FBXO9: variants seen among roughly 807,000 people sequenced by gnomAD.
FBXO9 encodes the protein F-box only protein 9.
Under a neutral mutation model 63.7 loss-of-function variants are expected in FBXO9, and 43 were observed. The ratio of observed to expected loss-of-function variants is 0.67; its 90% CI spans 0.53 to 0.87. FBXO9 has a LOEUF of 0.87. FBXO9 is among the 40% of genes least tolerant of loss of function. FBXO9 has a pLI of 0.00. For missense variants in FBXO9, 442 were observed against 533.2 expected, an observed-to-expected ratio of 0.83 and a Z score of 1.68; for synonymous variants, 156 against 171.7, an observed-to-expected ratio of 0.91 and a Z score of 0.72.
chr6:53,068,401 G>T (rs1023520727), intron 1 of FBXO9, among the ~76,000 whole-genome samples: 1 of 152,054 alleles, frequency 6.6e-6, no homozygotes, highest in African/African-American at 2.4e-5. Flanking sequence ...CCTTTATTAG[G>T]CTCCAAGTCA....
chr6:53,070,823 A>C (rs1225184947), intron 1 of FBXO9: 7 of 474,942 alleles, frequency 1.5e-5, no homozygotes, highest in Non-Finnish European at 2.5e-5. Context: ...GTTAGGATTC[A>C]CAATAACGTG....
Position 53,095,652 on chromosome 6 carries a change from A to C in FBXO9, c.1193A>C (p.His398Pro). The C allele has an allele frequency of 6.2e-7, 1 of 1,609,392 alleles. No individual in the cohort carries two copies. Among genetic ancestry groups the C allele is most frequent in the East Asian group, 2.2e-5 (1 of 44,770 alleles). ...CTCATCTGGATACATCATTCTTGTC[A>C]CATTACTTACAAGTAGGTGAATGCA... ...NKLIWIHHSCHITYKSTGETA... is the reference protein window; with the variant it reads ...NKLIWIHHSCPITYKSTGETA... The change falls in exon 12 of 13, where the codon CAC becomes CCC. Residue 398 changes from histidine (H) to proline (P), a missense_variant. This residue lies in a region of FBXO9 where 262 missense variants were observed against 362.1 expected (regional missense o/e 0.72). Coordinates refer to ENST00000323557, the MANE Select transcript of FBXO9 (RefSeq NM_033480.3).
intron 3 of FBXO9, among the ~76,000 whole-genome samples, chr6:53,075,734 A>ATTTTTTTTTTTTTTTTTTTTT (rs761159029): frequency 1.2e-5 from 1 of 82,174 alleles, no homozygotes; most frequent in Non-Finnish European, 2.1e-5. Context: ...TATATATATA[A>ATTTTTTTTTTTTTTTTTTTTT]TTATTTTTTT....
intron 7 of FBXO9, 101 bp downstream of exon 7, chr6:53,082,719 AG>A: frequency 2.5e-6 from 2 of 797,214 alleles, no homozygotes; most frequent in South Asian, 3.6e-5. Context: ...TGGTGTTCTG[AG>A]TTAAAGCTTA....
At chr6:53,094,480 T>C (rs1418989991) in intron 11 of FBXO9, among the ~76,000 whole-genome samples, 1 of 152,264 alleles carries the variant, frequency 6.6e-6, no homozygotes. Context: ...GTGCTTTAAA[T>C]TGTCCTAACA....
At chr6:53,070,389 A>G (rs988841943) in intron 1 of FBXO9, among the ~76,000 whole-genome samples, 1 of 152,184 alleles carries the variant, frequency 6.6e-6, no homozygotes, top group Non-Finnish European at 1.5e-5. Flanking sequence ...ATTTGGCTTC[A>G]TTTACCTAAT....
At chr6:53,078,353 G>A (rs1372263433) in intron 4 of FBXO9, among the ~76,000 whole-genome samples, 1 of 152,206 alleles carries the variant, frequency 6.6e-6, no homozygotes, top group East Asian at 1.9e-4. Flanking sequence ...AGCTACTCAG[G>A]AGACTGAGGT....
chr6:53,065,812 C>A lies in FBXO9; in HGVS notation c.3+20C>A, dbSNP rs139442571. ...AGCATGGTAACCTGGCCAGGGGGCT[C>A]GAGGGTGGACGCCGCGGGGCGGGAG... On this transcript the variant is annotated intron_variant, in intron 1 of 12. Transcript: ENST00000323557. 2 of 1,339,256 alleles carry A rather than the reference C, an allele frequency of 1.5e-6. No individual in the cohort carries two copies. Among genetic ancestry groups the A allele is most frequent in the Non-Finnish European group, 1.9e-6 (2 of 1,044,092 alleles). The allele number at this position is 1,339,256 out of a possible 1,614,324, so 83.0% of individuals were successfully genotyped here. A position where few individuals can be genotyped will look rare whatever the true frequency, so the allele number is the denominator to read the frequency against.
chr6:53,069,662 C>T (rs1446396395), intron 1 of FBXO9, among the ~76,000 whole-genome samples: 1 of 152,128 alleles, frequency 6.6e-6, no homozygotes, highest in Non-Finnish European at 1.5e-5. Context: ...AGAAAAACGA[C>T]CCAGTTTCAT....
intron 7 of FBXO9, among the ~76,000 whole-genome samples, chr6:53,084,726 G>T (rs779155630): frequency 6.6e-6 from 1 of 152,144 alleles, no homozygotes; most frequent in African/African-American, 2.4e-5. Flanking sequence ...GAAACTAGGA[G>T]AATTCATCAA....
chr6:53,072,975 G>A (rs550848941), intron 2 of FBXO9, among the ~76,000 whole-genome samples: 1 of 152,128 alleles, frequency 6.6e-6, no homozygotes, highest in African/African-American at 2.4e-5. Flanking sequence ...CGTCTGCCTC[G>A]GCCTCCCAAA....
chr6:53,066,643 G>A (rs1768708772), intron 1 of FBXO9, among the ~76,000 whole-genome samples: 1 of 152,190 alleles, frequency 6.6e-6, no homozygotes, highest in Non-Finnish European at 1.5e-5. Context: ...GGATAGAAAA[G>A]GCAATTGCCC....
At chr6:53,097,510 T>G (rs1262667495) in intron 12 of FBXO9, among the ~76,000 whole-genome samples, 2 of 152,196 alleles carry the variant, frequency 1.3e-5, no homozygotes, top group African/African-American at 4.8e-5. Context: ...ATATCCTTCA[T>G]ATGGCTCTGA....
chr6:53,086,004 C>T (rs1762868291), intron 7 of FBXO9, among the ~76,000 whole-genome samples: 1 of 152,112 alleles, frequency 6.6e-6, no homozygotes, highest in Non-Finnish European at 1.5e-5. Context: ...ACAAAATTAG[C>T]CGGGCGTGGT....
Position 53,097,936 on chromosome 6 carries a change from A to ATATG in FBXO9, c.*109_*110insGTAT, listed in dbSNP as rs1763262883. 8.4e-5 allele frequency: 4 copies of ATATG among 47,622 alleles called. No homozygotes were observed. Among genetic ancestry groups the ATATG allele is most frequent in the Admixed American group, 6.5e-4 (3 of 4,616 alleles). 2.9% of individuals were successfully genotyped at this position (47,622 alleles called of 1,614,324 possible). On this transcript the variant is annotated 3_prime_UTR_variant, in exon 13 of 13. Coordinates refer to ENST00000323557, the MANE Select transcript of FBXO9 (RefSeq NM_033480.3). ...TGTGTGCGTGTGTGTGTATATATAT[A>ATATG]TATATATATATATATATATATATAT...
At chr6:53,090,991 C>T (rs1287579113) in intron 7 of FBXO9, 1 of 152,146 alleles carries the variant, frequency 6.6e-6, no homozygotes, top group East Asian at 1.9e-4. Context: ...TGCCTGTAGT[C>T]CTAGCTGTTC....
chr6:53,080,191 G>C (rs1424854455), intron 5 of FBXO9, among the ~76,000 whole-genome samples: 1 of 150,900 alleles, frequency 6.6e-6, no homozygotes, highest in Non-Finnish European at 1.5e-5. Flanking sequence ...AGCCCTAAAA[G>C]TTTGCCTTTT....
chr6:53,067,102 T>C (rs1393206507), intron 1 of FBXO9, among the ~76,000 whole-genome samples: 1 of 152,216 alleles, frequency 6.6e-6, no homozygotes, highest in Non-Finnish European at 1.5e-5. Flanking sequence ...TTTGAGTACC[T>C]ATTAGCCTGG....
chr6:53,097,876 A>G lies in FBXO9; in HGVS notation c.*46A>G, dbSNP rs953060373. The stretch of plus-strand genomic sequence containing the variant: ...ATCACTTTTGCATGAATTAAAGTAT[A>G]TAGCGCAAAAGAGCACCTAAGTTAT... On this transcript the variant is annotated 3_prime_UTR_variant, in exon 13 of 13. Transcript: ENST00000323557. 3 of 1,141,670 alleles carry G rather than the reference A, an allele frequency of 2.6e-6. No individual in the cohort carries two copies. Among genetic ancestry groups the G allele is most frequent in the African/African-American group, 3.2e-5 (2 of 62,686 alleles). The allele number at this position is 1,141,670 out of a possible 1,614,324, so 70.7% of individuals were successfully genotyped here.
Sources: allele counts gnomAD v4.1 joint callset (sites outside exome capture counted in the v4.1 genomes callset), GRCh38; gene constraint gnomAD v4.1.1; regional missense constraint gnomAD v4.1.1; transcripts MANE v1.5; gene names NCBI Gene and HGNC (gene_info 2026-07-23, HGNC 2026-07-21).